Variants in GCA observed in about 807,000 individuals in gnomAD.
The protein encoded by GCA is grancalcin, also known as grancalcin, EF-hand calcium-binding protein.
GCA carries 30 observed loss-of-function variants against 32.6 expected under a neutral mutation model. That is an observed-to-expected ratio of 0.92 (90% CI 0.69 to 1.25). The LOEUF (loss-of-function observed/expected upper bound fraction) is 1.25. Ranked by LOEUF, GCA falls within the 50% of genes most tolerant of loss-of-function variation. The pLI, the probability that GCA is intolerant of heterozygous loss-of-function variation, is 0.00. For synonymous variants in GCA, 102 were observed against 84.6 expected, an observed-to-expected ratio of 1.21 and a Z score of -1.13; for missense variants, 291 against 266.8, an observed-to-expected ratio of 1.09 and a Z score of -0.63.
At chr2:162,363,132 T>G (rs528831553), downstream of GCA, among the ~76,000 whole-genome samples, 3 of 151,630 alleles carry the variant, frequency 2.0e-5, no homozygotes, top group South Asian at 2.1e-4. Flanking sequence ...AATGTGCTCT[T>G]TGTCTTTTTA....
At chr2:162,343,631 C>G (rs1684520939), upstream of GCA, among the ~76,000 whole-genome samples, 2 of 152,188 alleles carry the variant, frequency 1.3e-5, no homozygotes, top group Non-Finnish European at 2.9e-5. Flanking sequence ...CGCAGAAGCA[C>G]TCCTCCTGGA....
At chr2:162,341,734 C>T (rs1684457536), upstream of GCA, among the ~76,000 whole-genome samples, 1 of 152,084 alleles carries the variant, frequency 6.6e-6, no homozygotes, top group Non-Finnish European at 1.5e-5. Context: ...TGAAATACAG[C>T]ACTATGGTTG....
At chr2:162,326,513 CTTTTTTCTTTTCTTTT>C (rs1178292281) in intron 1 of GCA, among the ~76,000 whole-genome samples, 2 of 151,994 alleles carry the variant, frequency 1.3e-5, no homozygotes, top group Non-Finnish European at 2.9e-5. Context: ...TCCCTTCTTT[CTTTTTTCTTTTCTTTT>C]TTTTTGAGAT....
chr2:162,347,473 A>G (rs1684766250), intron 1 of GCA, 105 bp from the exon 2 acceptor site: 1 of 621,224 alleles, frequency 1.6e-6, no homozygotes, highest in East Asian at 3.0e-5. Flanking sequence ...AGCTTTTGGT[A>G]ACTGTTTACT....
chr2:162,356,926 T>G (rs1685309519), intron 5 of GCA, 21 bp downstream of exon 5: 3 of 1,542,910 alleles, frequency 1.9e-6, no homozygotes, highest in Non-Finnish European at 2.7e-6. Flanking sequence ...TAACATTCTT[T>G]AGAATCTATA....
Position 162,351,778 on chromosome 2 carries a change from C to T in GCA, c.193-560C>T, listed in dbSNP as rs183515579. Among the ~76,000 whole-genome samples the T allele has an allele frequency of 2.0e-4, 31 of 152,106 alleles. 1 individual carries two copies. In the East Asian group the frequency reaches 5.8e-3, roughly 28 times the overall value. On this transcript the variant is annotated intron_variant, in intron 2 of 7. Transcript: ENST00000437150. Reference sequence around the variant, plus strand: ...GAGAATACTCAACCTATTTCATTTCCATTGTGATTTCTTGTTTGCATTTTA... The same window carrying T: ...GAGAATACTCAACCTATTTCATTTCTATTGTGATTTCTTGTTTGCATTTTA...
At chr2:162,367,487 A>G (rs532570624), downstream of GCA, among the ~76,000 whole-genome samples, 1 of 152,114 alleles carries the variant, frequency 6.6e-6, no homozygotes, top group Non-Finnish European at 1.5e-5. Context: ...ACTGATCGAC[A>G]GATTACTTTA....
chr2:162,322,464 G>A (rs12469483), intron 1 of GCA, among the ~76,000 whole-genome samples: 12,771 of 150,372 alleles, frequency 0.085, 1,446 homozygotes, highest in Admixed American at 0.23. Context: ...TGTGCAGGTT[G>A]GTTACATATG....
chr2:162,344,230 T>A lies in GCA; in HGVS notation c.-19T>A. ...GACGCGACTCGAGGGTGACGCTCGC[T>A]CCGCTCGTCCCGCTCGTCATGGCCT... On this transcript the variant is annotated 5_prime_UTR_variant, in exon 1 of 8. Transcript: ENST00000437150. 6.2e-7 allele frequency: 1 copy of A among 1,613,664 alleles called. No individual in the cohort carries two copies. Among genetic ancestry groups the A allele is most frequent in the Non-Finnish European group, 8.5e-7 (1 of 1,179,854 alleles).
rs115079580 is a variant in GCA at position 162,330,393 on chromosome 2, C to T, written c.-31+11168C>T. ...ATTTTGATTTTTAATAGTAAGGCAA[C>T]GCTGCAGTAGGTCAAACCATTTTGT... On this transcript the variant is annotated intron_variant, in intron 1 of 4. Coordinates refer to the GCA transcript ENST00000429691. 1.9e-3 allele frequency among the ~76,000 whole-genome samples: 290 copies of T among 152,244 alleles called. 2 individuals are homozygous for T. Among genetic ancestry groups the T allele is most frequent in the African/African-American group, 6.7e-3 (279 of 41,534 alleles).
chr2:162,373,810 C>T, downstream of GCA: 1 of 453,886 alleles, frequency 2.2e-6, no homozygotes, highest in Non-Finnish European at 3.9e-6. Flanking sequence ...AGATTCTTTC[C>T]TGACGGATAC....
downstream of GCA, chr2:162,373,427 A>T: frequency 7.4e-7 from 1 of 1,347,900 alleles, no homozygotes; most frequent in East Asian, 2.7e-5. Context: ...CCCTGGAAAC[A>T]CACTGTGAGA....
intron 1 of GCA, chr2:162,319,290 T>C: frequency 2.2e-6 from 1 of 455,752 alleles, no homozygotes; most frequent in Non-Finnish European, 4.4e-6. Flanking sequence ...AGATTGCTGG[T>C]ATTTATGCAG....
chr2:162,356,303 A>G, intron 3 of GCA, 135 bp from the exon 4 acceptor site: 1 of 645,106 alleles, frequency 1.6e-6, no homozygotes, highest in Middle Eastern at 3.4e-4. Flanking sequence ...AACATTCAAT[A>G]ATAGCTTGTT....
At chr2:162,324,535 C>G (rs1683805314) in intron 1 of GCA, among the ~76,000 whole-genome samples, 1 of 152,140 alleles carries the variant, frequency 6.6e-6, no homozygotes, top group East Asian at 1.9e-4. Context: ...GATGTGCTCC[C>G]CTTGAGTCCA....
downstream of GCA, among the ~76,000 whole-genome samples, chr2:162,367,148 G>A (rs901016235): frequency 2.6e-5 from 4 of 151,758 alleles, no homozygotes; most frequent in African/African-American, 4.8e-5. Flanking sequence ...GGATACTGGG[G>A]CTTACTCTGG....
chr2:162,335,414 CAAAAA>C (rs573005587), intron 1 of GCA, among the ~76,000 whole-genome samples: 1 of 58,292 alleles, frequency 1.7e-5, no homozygotes, highest in African/African-American at 5.5e-5. Context: ...GACTCTGTCT[CAAAAA>C]AAAAAAAAAA....
At chr2:162,364,038 A>G (rs905918870), downstream of GCA, among the ~76,000 whole-genome samples, 1 of 151,484 alleles carries the variant, frequency 6.6e-6, no homozygotes, top group Non-Finnish European at 1.5e-5. Flanking sequence ...GCTTACCGGG[A>G]GTGAGAATTG....
Position 162,361,199 on chromosome 2 carries a change from G to A in GCA, c.*956G>A. On this transcript the variant is annotated 3_prime_UTR_variant, in exon 8 of 8. Transcript: ENST00000437150. ...GGCTTTGCCATTAAAAACCCAGTAA[G>A]TATTTTGAGTGCATCTATGTGATGT... 2 of 984,890 alleles carry A rather than the reference G, an allele frequency of 2.0e-6. No individual in the cohort carries two copies. The highest frequency in any genetic ancestry group is 2.4e-6 in the Non-Finnish European group (2 of 829,616). The allele number at this position is 984,890 out of a possible 1,614,324, so 61.0% of individuals were successfully genotyped here.
Sources: allele counts gnomAD v4.1 joint callset (sites outside exome capture counted in the v4.1 genomes callset), GRCh38; gene constraint gnomAD v4.1.1; transcripts MANE v1.5; gene names NCBI Gene and HGNC (gene_info 2026-07-23, HGNC 2026-07-21).